SORT1: variants seen among roughly 807,000 people sequenced by gnomAD.
The protein encoded by SORT1 is sortilin.
A neutral mutation model predicts 101.7 loss-of-function variants in SORT1; 39 were observed. The ratio of observed to expected loss-of-function variants is 0.38; its 90% CI spans 0.30 to 0.50. The LOEUF is 0.50. Among genes scored for constraint, SORT1 ranks in the 20% least tolerant of loss-of-function variants. SORT1 has a pLI of 0.90. For synonymous variants in SORT1, 396 were observed against 393.7 expected, an observed-to-expected ratio of 1.01 and a Z score of -0.07; for missense variants, 878 against 1,040.4, an observed-to-expected ratio of 0.84 and a Z score of 2.15.
chr1:109,366,398 T>C (rs1161342887), intron 3 of SORT1, among the ~76,000 whole-genome samples: 1 of 152,200 alleles, frequency 6.6e-6, no homozygotes, highest in African/African-American at 2.4e-5. Context: ...AAGATTTTCA[T>C]TTCAGGAATA....
intron 3 of SORT1, among the ~76,000 whole-genome samples, chr1:109,358,356 T>A (rs1650468226): frequency 6.6e-6 from 1 of 152,176 alleles, no homozygotes; most frequent in African/African-American, 2.4e-5. Flanking sequence ...TCAAGCAATC[T>A]TCCCACCTTG....
chr1:109,348,761 TG>T (rs1489231173), intron 6 of SORT1, among the ~76,000 whole-genome samples: 1 of 152,064 alleles, frequency 6.6e-6, no homozygotes, highest in Non-Finnish European at 1.5e-5. Context: ...CCAAAGTGCT[TG>T]GATTAGGGGT....
chr1:109,394,655 G>A (rs559969170), intron 1 of SORT1, among the ~76,000 whole-genome samples: 4 of 152,296 alleles, frequency 2.6e-5, no homozygotes, highest in African/African-American at 4.8e-5. Flanking sequence ...AACCTTCTGA[G>A]GCTTTTCATT....
intron 3 of SORT1, among the ~76,000 whole-genome samples, chr1:109,362,322 A>G (rs1191458935): frequency 6.6e-6 from 1 of 152,224 alleles, no homozygotes; most frequent in Non-Finnish European, 1.5e-5. Context: ...TTCAATATTC[A>G]TGACAACTTT....
At chr1:109,361,403 TC>T (rs1650713803) in intron 3 of SORT1, among the ~76,000 whole-genome samples, 3 of 152,180 alleles carry the variant, frequency 2.0e-5, no homozygotes, top group Admixed American at 2.0e-4. Flanking sequence ...GCCTTTGTGG[TC>T]CACATTTTTA....
chr1:109,349,470 A>G (rs929448869), intron 6 of SORT1, among the ~76,000 whole-genome samples: 2 of 152,204 alleles, frequency 1.3e-5, no homozygotes, highest in African/African-American at 4.8e-5. Context: ...ACCTCATTAA[A>G]AAAACATTTC....
intron 1 of SORT1, among the ~76,000 whole-genome samples, chr1:109,377,449 G>A (rs1651933999): frequency 6.6e-6 from 1 of 152,070 alleles, no homozygotes. Flanking sequence ...TTCTAACACG[G>A]TTACTGCTGT....
At chr1:109,381,141 G>C (rs1347569579) in intron 1 of SORT1, among the ~76,000 whole-genome samples, 1 of 152,132 alleles carries the variant, frequency 6.6e-6, no homozygotes, top group Non-Finnish European at 1.5e-5. Context: ...TCATGTGCCT[G>C]AGCAAATCCT....
chr1:109,332,635 C>T (rs1380543229), intron 11 of SORT1, among the ~76,000 whole-genome samples: 2 of 152,048 alleles, frequency 1.3e-5, no homozygotes, highest in African/African-American at 2.4e-5. Flanking sequence ...TATGGAACCA[C>T]AAAAGACCCT....
chr1:109,318,490 C>T (rs1458040024), intron 15 of SORT1, among the ~76,000 whole-genome samples: 2 of 152,060 alleles, frequency 1.3e-5, no homozygotes, highest in African/African-American at 4.8e-5. Flanking sequence ...ATGGGTCAGG[C>T]CTGGTGGGGG....
Position 109,313,670 on chromosome 1 carries a change from G to A in SORT1, c.*373C>T. ...AGAGCTGATACTGGAGTTGGCAGAT[G>A]CCCTGGGGCAGGCGCCATGCAGAAC... is the stretch of plus-strand genomic sequence containing the variant. On this transcript the variant is annotated 3_prime_UTR_variant, in exon 20 of 20. Transcript: ENST00000256637. The A allele has an allele frequency of 7.4e-6, 2 of 269,412 alleles. No individual in the cohort carries two copies. The highest frequency in any genetic ancestry group is 9.7e-5 in the South Asian group (2 of 20,648). The allele number at this position is 269,412 out of a possible 1,614,324, so 16.7% of individuals were successfully genotyped here.
At chr1:109,321,097 T>C (rs549124202) in intron 15 of SORT1, among the ~76,000 whole-genome samples, 47 of 152,200 alleles carry the variant, frequency 3.1e-4, no homozygotes, top group Non-Finnish European at 4.9e-4. Context: ...TAGTGCCTAG[T>C]ATAAAGTTAG....
At chr1:109,365,354 CTGGGACCACAGG>C (rs1403963745) in intron 3 of SORT1, among the ~76,000 whole-genome samples, 2 of 152,196 alleles carry the variant, frequency 1.3e-5, no homozygotes, top group African/African-American at 4.8e-5. Context: ...TCCCAAGTAG[CTGGGACCACAGG>C]TGTGTGACAC....
chr1:109,355,548 C>G, intron 3 of SORT1, 79 bp from the exon 4 acceptor site: 3 of 707,958 alleles, frequency 4.2e-6, no homozygotes, highest in Non-Finnish European at 7.7e-6. Flanking sequence ...CTTTCATTCT[C>G]CCTTTCCACC....
At chr1:109,364,122 G>T (rs777094372) in intron 3 of SORT1, among the ~76,000 whole-genome samples, 5 of 152,156 alleles carry the variant, frequency 3.3e-5, no homozygotes, top group Non-Finnish European at 5.9e-5. Flanking sequence ...TGAAAAAAAA[G>T]TACCTTGGTA....
At chr1:109,387,521 T>C (rs1652641800) in intron 1 of SORT1, among the ~76,000 whole-genome samples, 1 of 150,580 alleles carries the variant, frequency 6.6e-6, no homozygotes, top group Non-Finnish European at 1.5e-5. Flanking sequence ...GTTTAAAATT[T>C]AAAATTTTGT....
chr1:109,334,982 T>C (rs1280487878), intron 11 of SORT1, among the ~76,000 whole-genome samples: 2 of 152,144 alleles, frequency 1.3e-5, no homozygotes, highest in Non-Finnish European at 2.9e-5. Flanking sequence ...AAGCAAACTA[T>C]TAATGAAATG....
intron 1 of SORT1, among the ~76,000 whole-genome samples, chr1:109,394,096 T>A (rs1259170006): frequency 6.6e-6 from 1 of 152,184 alleles, no homozygotes; most frequent in East Asian, 1.9e-4. Flanking sequence ...CACCTTACCA[T>A]GGTAAGTCAA....
chr1:109,317,048 C>T lies in SORT1; in HGVS notation c.2142-90G>A, dbSNP rs1422224199. 11 of 823,738 alleles carry T rather than the reference C, an allele frequency of 1.3e-5. No individual in the cohort carries two copies. The Admixed American group carries it at 1.6e-4, about 12-fold the overall frequency. 51.0% of individuals were successfully genotyped at this position (823,738 alleles called of 1,614,324 possible). ...TTGGAAACAAGATTTGAAAAGCTGC[C>T]GAAAAGCTTCCCATCCTTACGTCAT... On this transcript the variant is annotated intron_variant, in intron 16 of 19. Transcript: ENST00000256637.
Sources: gnomAD v4.1 joint callset for allele counts (sites outside exome capture counted in the v4.1 genomes callset) on GRCh38, gnomAD v4.1.1 for gene constraint, MANE v1.5 for transcripts, NCBI Gene and HGNC (gene_info 2026-07-23, HGNC 2026-07-21) for gene names.